Variants in SYT1 observed in about 807,000 individuals in gnomAD.
SYT1 encodes the protein synaptotagmin-1.
Under a neutral mutation model 44.8 loss-of-function variants are expected in SYT1, and 8 were observed. That is an observed-to-expected ratio of 0.18 (90% CI 0.10 to 0.32). SYT1 has a LOEUF of 0.32. SYT1 is among the 10% of genes least tolerant of loss of function. The pLI is 1.00. For synonymous variants in SYT1, 154 were observed against 188.8 expected, an observed-to-expected ratio of 0.82 and a Z score of 1.51; for missense variants, 286 against 509.3, an observed-to-expected ratio of 0.56 and a Z score of 4.22.
At chr12:79,380,564 T>G (rs531295738) in intron 9 of SYT1, among the ~76,000 whole-genome samples, 1 of 152,310 alleles carries the variant, frequency 6.6e-6, no homozygotes, top group Admixed American at 6.5e-5. Flanking sequence ...TCTGCTAATT[T>G]TTTTAATACA....
intron 9 of SYT1, among the ~76,000 whole-genome samples, chr12:79,403,611 C>G (rs930383961): frequency 6.6e-6 from 1 of 152,030 alleles, no homozygotes; most frequent in Non-Finnish European, 1.5e-5. Context: ...CAATTTCACC[C>G]ATAAAATACC....
At chr12:79,325,245 C>T (rs1881558665) in intron 8 of SYT1, among the ~76,000 whole-genome samples, 1 of 152,154 alleles carries the variant, frequency 6.6e-6, no homozygotes, top group African/African-American at 2.4e-5. Context: ...TCTGGCTAGC[C>T]TACCAGAAGC....
intron 8 of SYT1, among the ~76,000 whole-genome samples, chr12:79,312,147 G>C (rs1280150381): frequency 1.3e-5 from 2 of 151,968 alleles, no homozygotes; most frequent in East Asian, 3.9e-4. Flanking sequence ...GGGGAATTGA[G>C]CTAAATTCTC....
chr12:79,094,641 A>G (rs562176557), intron 3 of SYT1, among the ~76,000 whole-genome samples: 1 of 152,084 alleles, frequency 6.6e-6, no homozygotes, highest in Non-Finnish European at 1.5e-5. Context: ...AAAACCCTTT[A>G]TCAATATTAA....
intron 4 of SYT1, among the ~76,000 whole-genome samples, chr12:79,221,061 C>T (rs1385124662): frequency 6.6e-6 from 1 of 152,080 alleles, no homozygotes; most frequent in Non-Finnish European, 1.5e-5. Context: ...TGATCTCTCC[C>T]TTCAGGTCTA....
At chr12:79,081,618 A>C (rs540923778) in intron 3 of SYT1, among the ~76,000 whole-genome samples, 1 of 152,210 alleles carries the variant, frequency 6.6e-6, no homozygotes, top group African/African-American at 2.4e-5. Flanking sequence ...CTCTCAGGCA[A>C]TCAGCCCACC....
intron 2 of SYT1, among the ~76,000 whole-genome samples, chr12:79,044,945 TCAGGGA>T (rs1873899917): frequency 6.6e-6 from 1 of 151,978 alleles, no homozygotes; most frequent in Admixed American, 6.6e-5. Context: ...CGCTCGGGGG[TCAGGGA>T]CACACTTGAG....
chr12:79,008,271 G>A (rs966212577), intron 2 of SYT1, among the ~76,000 whole-genome samples: 7 of 152,068 alleles, frequency 4.6e-5, no homozygotes, highest in Non-Finnish European at 1.0e-4. Flanking sequence ...AGGCAAGAGT[G>A]ACTCTGGTTT....
intron 3 of SYT1, among the ~76,000 whole-genome samples, chr12:79,205,109 C>T (rs1435439175): frequency 2.6e-5 from 4 of 151,804 alleles, no homozygotes; most frequent in Non-Finnish European, 5.9e-5. Flanking sequence ...GGACTACAGG[C>T]GCCCACCACC....
chr12:78,915,921 C>T (rs1876625874), intron 1 of SYT1, among the ~76,000 whole-genome samples: 1 of 151,920 alleles, frequency 6.6e-6, no homozygotes, highest in Non-Finnish European at 1.5e-5. Context: ...TTCCCTAATG[C>T]ATAAGGATAG....
chr12:78,913,555 A>T (rs1238003627), intron 1 of SYT1, among the ~76,000 whole-genome samples: 1 of 151,804 alleles, frequency 6.6e-6, no homozygotes, highest in Non-Finnish European at 1.5e-5. Flanking sequence ...TCCTGTAATG[A>T]GGTCAGTGAT....
intron 3 of SYT1, among the ~76,000 whole-genome samples, chr12:79,166,550 C>A (rs1048631598): frequency 1.3e-5 from 2 of 151,636 alleles, no homozygotes; most frequent in Non-Finnish European, 2.9e-5. Context: ...ATTTTTAGAC[C>A]AAAATTTTAT....
chr12:79,207,027 T>C (rs1030098995), intron 3 of SYT1, among the ~76,000 whole-genome samples: 2 of 152,228 alleles, frequency 1.3e-5, no homozygotes, highest in Non-Finnish European at 2.9e-5. Context: ...TGCCTTAGTT[T>C]CTTCAAAGTT....
intron 3 of SYT1, among the ~76,000 whole-genome samples, chr12:79,119,186 A>G (rs1487833773): frequency 6.6e-6 from 1 of 152,178 alleles, no homozygotes; most frequent in Non-Finnish European, 1.5e-5. Flanking sequence ...CTATCATCAT[A>G]TCCTGCCTGA....
intron 1 of SYT1, among the ~76,000 whole-genome samples, chr12:78,927,237 G>A (rs923283439): frequency 6.6e-6 from 1 of 151,802 alleles, no homozygotes; most frequent in Non-Finnish European, 1.5e-5. Flanking sequence ...ACTTTTTTAT[G>A]CCCATCTCTG....
chr12:79,276,954 A>G (rs12582877), intron 4 of SYT1, among the ~76,000 whole-genome samples: 50,428 of 147,678 alleles, frequency 0.34, 8,885 homozygotes, highest in East Asian at 0.58. Context: ...AGAAGGAAGA[A>G]GGAGGAGGAG....
chr12:79,273,901 T>TGGCCAACATTTTTAGTAGAGAC (rs1878569014), intron 4 of SYT1, among the ~76,000 whole-genome samples: 1 of 152,080 alleles, frequency 6.6e-6, no homozygotes, highest in South Asian at 2.1e-4. Context: ...CTGGCCAACA[T>TGGCCAACATTTTTAGTAGAGAC]GGTGAAACCC....
chr12:79,441,362 C>G (rs1448055676), intron 9 of SYT1, among the ~76,000 whole-genome samples: 2 of 152,160 alleles, frequency 1.3e-5, no homozygotes, highest in Non-Finnish European at 2.9e-5. Context: ...GTTGCCCAGG[C>G]TGGAGTGCAG....
chr12:79,196,080 G>T (rs1306761756), intron 3 of SYT1, among the ~76,000 whole-genome samples: 1 of 152,170 alleles, frequency 6.6e-6, no homozygotes, highest in East Asian at 1.9e-4. Context: ...TGCCCAGCCA[G>T]GTAGTTAAGA....
Sources: gnomAD v4.1 joint callset for allele counts (sites outside exome capture counted in the v4.1 genomes callset) on GRCh38, gnomAD v4.1.1 for gene constraint, MANE v1.5 for transcripts, NCBI Gene and HGNC (gene_info 2026-07-23, HGNC 2026-07-21) for gene names.